Variants in CCDC102B observed in about 807,000 individuals in gnomAD.
CCDC102B encodes the protein coiled-coil domain containing 102B.
Under a neutral mutation model 57.4 loss-of-function variants are expected in CCDC102B, and 75 were observed. The ratio of observed to expected loss-of-function variants is 1.31; its 90% CI spans 1.08 to 1.58. CCDC102B has a LOEUF of 1.58. Ranked by LOEUF, CCDC102B falls within the 40% of genes most tolerant of loss-of-function variation. CCDC102B has a pLI of 0.00. For missense variants in CCDC102B, 636 were observed against 582.6 expected, an observed-to-expected ratio of 1.09 and a Z score of -0.94; for synonymous variants, 206 against 201.9, an observed-to-expected ratio of 1.02 and a Z score of -0.17.
chr18:69,047,195 C>T (rs1267814230), intron 7 of CCDC102B, among the ~76,000 whole-genome samples: 2 of 152,038 alleles, frequency 1.3e-5, no homozygotes, highest in African/African-American at 4.8e-5. Context: ...GCCATCGCAT[C>T]AAAAAGCTAA....
At chr18:68,877,305 G>C (rs1342529294) in intron 5 of CCDC102B, among the ~76,000 whole-genome samples, 1 of 152,172 alleles carries the variant, frequency 6.6e-6, no homozygotes, top group East Asian at 1.9e-4. Flanking sequence ...CTTAGGAATA[G>C]CCCACCTCCC....
intron 5 of CCDC102B, among the ~76,000 whole-genome samples, chr18:68,890,435 T>C (rs2040034012): frequency 1.3e-5 from 2 of 152,150 alleles, no homozygotes; most frequent in South Asian, 4.1e-4. Context: ...CCATGTTACC[T>C]AGGCTGCTTA....
chr18:68,841,228 T>C (rs1211366193), intron 3 of CCDC102B, among the ~76,000 whole-genome samples: 4 of 152,204 alleles, frequency 2.6e-5, no homozygotes, highest in African/African-American at 9.6e-5. Context: ...TGTATTTTTT[T>C]CTGCATTCCC....
chr18:68,983,636 A>G (rs1053556959), intron 6 of CCDC102B, among the ~76,000 whole-genome samples: 5 of 152,026 alleles, frequency 3.3e-5, no homozygotes, highest in Admixed American at 1.3e-4. Context: ...AGTTTGAAAA[A>G]AAATATTTAT....
chr18:69,025,961 G>T (rs765280582), intron 7 of CCDC102B, among the ~76,000 whole-genome samples: 21 of 152,120 alleles, frequency 1.4e-4, no homozygotes, highest in Non-Finnish European at 2.9e-4. Context: ...TACAAGGGGT[G>T]CCTATGTGAG....
chr18:68,825,939 C>A (rs1568271557), intron 1 of CCDC102B, among the ~76,000 whole-genome samples: 1 of 152,028 alleles, frequency 6.6e-6, no homozygotes, highest in Non-Finnish European at 1.5e-5. Context: ...TTAAAGGCAC[C>A]ATTTAATGTC....
At chr18:68,924,349 A>T (rs2041401500) in intron 6 of CCDC102B, among the ~76,000 whole-genome samples, 1 of 151,816 alleles carries the variant, frequency 6.6e-6, no homozygotes. Context: ...TTCTCACGAG[A>T]TCTGATGGTT....
In CCDC102B at chr18:68,940,913, A is replaced by G. The variant is rs868524610; in HGVS notation, c.1263+43485A>G. Among the ~76,000 whole-genome samples, 11 of 151,996 alleles carry G rather than the reference A, an allele frequency of 7.2e-5. No individual in the cohort carries two copies. In the South Asian group the frequency reaches 1.9e-3, roughly 26 times the overall value. ...AAAAAAAGTAAACTAACCTCAGAGTACAATGTAATTCCCCAGCATGAACCT... is the reference window on the plus strand; with the variant it reads ...AAAAAAAGTAAACTAACCTCAGAGTGCAATGTAATTCCCCAGCATGAACCT... On this transcript the variant is annotated intron_variant, in intron 6 of 7. Coordinates refer to ENST00000360242, the MANE Select transcript of CCDC102B (RefSeq NM_024781.3).
At chr18:68,824,113 C>A (rs1285324905) in intron 1 of CCDC102B, among the ~76,000 whole-genome samples, 2 of 152,020 alleles carry the variant, frequency 1.3e-5, no homozygotes, top group Non-Finnish European at 2.9e-5. Flanking sequence ...GAGACTCAGC[C>A]GAAAATTATT....
intron 6 of CCDC102B, among the ~76,000 whole-genome samples, chr18:68,932,727 A>G (rs2041717402): frequency 6.6e-6 from 1 of 151,936 alleles, no homozygotes. Flanking sequence ...TTGGTGTTCG[A>G]TCTGTCCTCA....
intron 6 of CCDC102B, among the ~76,000 whole-genome samples, chr18:68,954,668 T>G (rs2049793875): frequency 6.6e-6 from 1 of 152,194 alleles, no homozygotes; most frequent in Non-Finnish European, 1.5e-5. Flanking sequence ...CATCATTAGC[T>G]CTGAGATTTC....
intron 2 of CCDC102B, among the ~76,000 whole-genome samples, chr18:68,786,698 A>G (rs1385137938): frequency 2.1e-5 from 3 of 142,608 alleles, no homozygotes; most frequent in African/African-American, 7.9e-5. Context: ...ACTTTGCTGA[A>G]GTTGCTTATC....
intron 6 of CCDC102B, among the ~76,000 whole-genome samples, chr18:68,904,412 T>C (rs1042785490): frequency 1.3e-5 from 2 of 152,214 alleles, no homozygotes; most frequent in African/African-American, 4.8e-5. Flanking sequence ...CATAATTTAG[T>C]TATTGCATGA....
intron 4 of CCDC102B, among the ~76,000 whole-genome samples, chr18:68,869,788 T>G (rs938384030): frequency 6.6e-6 from 1 of 152,216 alleles, no homozygotes; most frequent in African/African-American, 2.4e-5. Flanking sequence ...ATTCATGAAG[T>G]CTTTTCCCAT....
chr18:68,940,380 A>G (rs548737941), intron 6 of CCDC102B, among the ~76,000 whole-genome samples: 1 of 151,830 alleles, frequency 6.6e-6, no homozygotes, highest in South Asian at 2.1e-4. Flanking sequence ...TTTCTTTTTC[A>G]TCAGCCAAAA....
At chr18:68,838,000 G>A (rs893955962) in intron 2 of CCDC102B, among the ~76,000 whole-genome samples, 3 of 152,106 alleles carry the variant, frequency 2.0e-5, no homozygotes, top group Non-Finnish European at 2.9e-5. Context: ...AAGTATCATC[G>A]AGATTTTACT....
chr18:68,812,010 G>T (rs1359940228), intron 1 of CCDC102B, among the ~76,000 whole-genome samples: 1 of 152,168 alleles, frequency 6.6e-6, no homozygotes, highest in Non-Finnish European at 1.5e-5. Context: ...TCCTACCACT[G>T]CTGATTGAAA....
At chr18:68,850,013 C>T (rs547060167) in intron 4 of CCDC102B, among the ~76,000 whole-genome samples, 68 of 152,058 alleles carry the variant, frequency 4.5e-4, no homozygotes, top group African/African-American at 1.5e-3. Flanking sequence ...TTGGGAGTAG[C>T]GTACATTATT....
chr18:68,876,030 T>A (rs1453925316), intron 5 of CCDC102B, among the ~76,000 whole-genome samples: 1 of 152,170 alleles, frequency 6.6e-6, no homozygotes, highest in Non-Finnish European at 1.5e-5. Context: ...TTGGTGGCTT[T>A]CATAACTTTT....
Sources: allele counts gnomAD v4.1 joint callset (sites outside exome capture counted in the v4.1 genomes callset), GRCh38; gene constraint gnomAD v4.1.1; transcripts MANE v1.5; gene names NCBI Gene and HGNC (gene_info 2026-07-23, HGNC 2026-07-21).